The following DOCK1 variants were observed in gnomAD, a reference collection of about 807,000 sequenced individuals.
The protein encoded by DOCK1 is dedicator of cytokinesis 1.
Under a neutral mutation model 262.7 loss-of-function variants are expected in DOCK1, and 138 were observed. That is an observed-to-expected ratio of 0.53 (90% confidence interval 0.46 to 0.61). The LOEUF is 0.61. Ranked by LOEUF, DOCK1 falls within the 20% of genes least tolerant of loss-of-function variation. The probability of loss-of-function intolerance (pLI) is 0.00; values close to 1 mark genes in which losing one functional copy is unlikely to be tolerated. For synonymous variants in DOCK1, 866 were observed against 867.4 expected, an observed-to-expected ratio of 1.00 and a Z score of 0.03; for missense variants, 1,908 against 2,370.7, an observed-to-expected ratio of 0.80 and a Z score of 4.05.
intron 32 of DOCK1, among the ~76,000 whole-genome samples, chr10:127,361,339 C>CTCCTGACCTCGT (rs1418280342): frequency 6.6e-6 from 1 of 152,104 alleles, no homozygotes; most frequent in Non-Finnish European, 1.5e-5. Flanking sequence ...TGGTCTCGAT[C>CTCCTGACCTCGT]TCCTGACCTC....
chr10:127,311,622 G>T (rs976933695), intron 29 of DOCK1, among the ~76,000 whole-genome samples: 1 of 152,200 alleles, frequency 6.6e-6, no homozygotes, highest in Non-Finnish European at 1.5e-5. Flanking sequence ...AAGCATTTCA[G>T]ATCAGGGATA....
In DOCK1 at chr10:127,403,607, A is replaced by G. The variant is rs192698232; in HGVS notation, c.4017+463A>G. Among the ~76,000 whole-genome samples the G allele has an allele frequency of 6.5e-3, 986 of 152,258 alleles. 7 individuals carry two copies. The highest frequency in any genetic ancestry group is 0.014 in the Middle Eastern group (4 of 292). ...ACCCCATCTCTACTAAAAATACAAC[A>G]AAGTAGCCGGGCGTGGTAGCACACG... is the stretch of plus-strand genomic sequence containing the variant. On this transcript the variant is annotated intron_variant, in intron 39 of 51. Transcript: ENST00000623213.
At chr10:127,291,415 T>C (rs1459546149) in intron 29 of DOCK1, among the ~76,000 whole-genome samples, 3 of 152,190 alleles carry the variant, frequency 2.0e-5, no homozygotes, top group Non-Finnish European at 4.4e-5. Context: ...ACTAGCCCCT[T>C]CATTTGAGTT....
At chr10:126,961,196 G>A (rs979243540) in intron 1 of DOCK1, among the ~76,000 whole-genome samples, 1 of 152,096 alleles carries the variant, frequency 6.6e-6, no homozygotes, top group African/African-American at 2.4e-5. Context: ...ACTGCCTCAG[G>A]GGATTCTACT....
intron 27 of DOCK1, among the ~76,000 whole-genome samples, chr10:127,214,485 G>A (rs1284361017): frequency 1.3e-5 from 2 of 152,176 alleles, no homozygotes; most frequent in East Asian, 1.9e-4. Context: ...CTGTGGTTTT[G>A]CAGTCTCTCC....
intron 27 of DOCK1, among the ~76,000 whole-genome samples, chr10:127,231,089 T>C (rs896630687): frequency 6.6e-6 from 1 of 152,194 alleles, no homozygotes; most frequent in Non-Finnish European, 1.5e-5. Flanking sequence ...TTGATTACTT[T>C]TATTAATGCA....
At position 127,195,269 on chromosome 10, in the gene DOCK1, C is replaced by T. The variant is rs570542585; in HGVS notation, c.2848-52739C>T. Among the ~76,000 whole-genome samples, 101 of 152,300 alleles carry T rather than the reference C, an allele frequency of 6.6e-4. 2 individuals carry two copies. In the Middle Eastern group the frequency reaches 0.02, roughly 31 times the overall value. On this transcript the variant is annotated intron_variant, in intron 27 of 51. Coordinates refer to ENST00000623213, the MANE Select transcript of DOCK1 (RefSeq NM_001290223.2). ...ACCCCGGGCTGCCCGCGGGCTCCCT[C>T]CTCCCTCCTGCCCTCGCCCGCCAGC...
rs142147059 is a variant in DOCK1, at chr10:127,398,451, G to C, written c.3928-4604G>C. Reference sequence around the variant, plus strand: ...CTCAGCACGCATTGAGCAAAGAACGGACTGAACGCAGCCTCCTGCTAGTCC... The same window carrying C: ...CTCAGCACGCATTGAGCAAAGAACGCACTGAACGCAGCCTCCTGCTAGTCC... On this transcript the variant is annotated intron_variant, in intron 38 of 51. Coordinates refer to ENST00000623213, the MANE Select transcript of DOCK1 (RefSeq NM_001290223.2). Among the ~76,000 whole-genome samples, 107 of 152,298 alleles carry C rather than the reference G, an allele frequency of 7.0e-4. 1 individual carries two copies. Among genetic ancestry groups the C allele is most frequent in the African/African-American group, 2.4e-3 (99 of 41,574 alleles).
At chr10:127,439,699 A>T (rs1279719280) in intron 49 of DOCK1, among the ~76,000 whole-genome samples, 1 of 152,186 alleles carries the variant, frequency 6.6e-6, no homozygotes, top group Non-Finnish European at 1.5e-5. Flanking sequence ...GGGCCCCAGA[A>T]GCTGGACCCA....
At chr10:127,138,997 C>T (rs1368091409) in intron 27 of DOCK1, among the ~76,000 whole-genome samples, 1 of 152,146 alleles carries the variant, frequency 6.6e-6, no homozygotes, top group Non-Finnish European at 1.5e-5. Context: ...TTGAGGAGTT[C>T]TGCTTCCCTT....
At chr10:127,433,582 C>A (rs2069450697) in intron 48 of DOCK1, among the ~76,000 whole-genome samples, 154 bp downstream of exon 48, 1 of 152,146 alleles carries the variant, frequency 6.6e-6, no homozygotes, top group Admixed American at 6.5e-5. Flanking sequence ...GACTTTCTGA[C>A]CGTAGTGCCC....
At position 127,218,080 on chromosome 10, in the gene DOCK1, A is replaced by G. The variant is rs543948386; in HGVS notation, c.2848-29928A>G. The stretch of plus-strand genomic sequence containing the variant: ...AATATCTGATAAAATAAAAGTTGAA[A>G]TTTTTAAAAAAGTATCTTTATGAAA... On this transcript the variant is annotated intron_variant, in intron 27 of 51. Transcript: ENST00000623213. Among the ~76,000 whole-genome samples, 6 of 152,306 alleles carry G rather than the reference A, an allele frequency of 3.9e-5. No individual in the cohort carries two copies. The East Asian group carries it at 1.2e-3, about 29-fold the overall frequency.
At chr10:127,247,743 G>A (rs924826543) in intron 27 of DOCK1, among the ~76,000 whole-genome samples, 1 of 152,114 alleles carries the variant, frequency 6.6e-6, no homozygotes, top group Non-Finnish European at 1.5e-5. Context: ...TCAGCATTGT[G>A]AGACCCCCTC....
At chr10:126,940,958 T>G (rs1260804514) in intron 1 of DOCK1, among the ~76,000 whole-genome samples, 1 of 152,218 alleles carries the variant, frequency 6.6e-6, no homozygotes, top group Non-Finnish European at 1.5e-5. Flanking sequence ...GATGATTAAA[T>G]GTAGTCATGA....
intron 27 of DOCK1, among the ~76,000 whole-genome samples, chr10:127,166,669 C>T (rs897451427): frequency 2.6e-5 from 4 of 152,216 alleles, no homozygotes; most frequent in African/African-American, 7.2e-5. Flanking sequence ...TTCACTAGAA[C>T]GCTCCCTCAG....
rs1483027257 is a variant in DOCK1, at chr10:127,175,652, C to T, written c.2847+47888C>T. ...AAACGGTGGCAACCTCCGTTTTAAACACCCTCCTGAGGGCAGGTGGAGCGG... is the reference window on the plus strand; with the variant it reads ...AAACGGTGGCAACCTCCGTTTTAAATACCCTCCTGAGGGCAGGTGGAGCGG... On this transcript the variant is annotated intron_variant, in intron 27 of 51. Coordinates refer to ENST00000623213, the MANE Select transcript of DOCK1 (RefSeq NM_001290223.2). This position sits in a 1 kb window ranked among gnomAD's most constrained non-coding sequence, Gnocchi z 6.3. 3 of 1,613,402 alleles carry T rather than the reference C, an allele frequency of 1.9e-6. No homozygotes were observed. Among genetic ancestry groups the T allele is most frequent in the Non-Finnish European group, 2.5e-6 (3 of 1,179,986 alleles).
intron 22 of DOCK1, among the ~76,000 whole-genome samples, chr10:127,055,208 C>T (rs764973977): frequency 3.9e-5 from 6 of 151,908 alleles, no homozygotes; most frequent in South Asian, 2.1e-4. Flanking sequence ...GGAAGAGTTC[C>T]GAGTTCATGC....
intron 44 of DOCK1, 45 bp from the exon 45 acceptor site, chr10:127,418,320 G>A: frequency 6.5e-7 from 1 of 1,539,042 alleles, no homozygotes; most frequent in East Asian, 2.3e-5. Context: ...CCTGGGAGTG[G>A]AGGCAGCTGT....
intron 1 of DOCK1, among the ~76,000 whole-genome samples, chr10:126,949,015 C>A (rs886107933): frequency 6.6e-6 from 1 of 152,132 alleles, no homozygotes; most frequent in Non-Finnish European, 1.5e-5. Context: ...TGTAACTGAG[C>A]TTTCGTCTTT....
Sources: allele counts gnomAD v4.1 joint callset (sites outside exome capture counted in the v4.1 genomes callset), GRCh38; gene constraint gnomAD v4.1.1; non-coding constraint Gnocchi (gnomAD v3.1); transcripts MANE v1.5; gene names NCBI Gene and HGNC (gene_info 2026-07-23, HGNC 2026-07-21).